Variants in BTAF1 observed in about 807,000 individuals in gnomAD.
BTAF1 encodes B-TFIID TATA-box binding protein associated factor 1, also known as TATA-binding protein-associated factor 172.
BTAF1 carries 38 observed loss-of-function variants against 227.1 expected under a neutral mutation model. The observed-to-expected ratio is 0.17, with a 90% CI of 0.13 to 0.22. BTAF1 has a LOEUF of 0.22. BTAF1 is among the 10% of genes least tolerant of loss of function. The probability of loss-of-function intolerance (pLI) is 1.00; values close to 1 mark genes in which losing one functional copy is unlikely to be tolerated. For synonymous variants in BTAF1, 742 were observed against 751.9 expected, an observed-to-expected ratio of 0.99 and a Z score of 0.21; for missense variants, 1,598 against 2,204.0, an observed-to-expected ratio of 0.73 and a Z score of 5.51.
chr10:91,942,620 T>C (rs1845091826), intron 4 of BTAF1, 52 bp downstream of exon 4: 2 of 1,580,240 alleles, frequency 1.3e-6, no homozygotes, highest in Non-Finnish European at 1.7e-6. Flanking sequence ...TCAGACTAAT[T>C]TGTCACTGTG....
At chr10:91,994,692 T>C (rs1326246322) in intron 23 of BTAF1, 48 bp downstream of exon 23, 1 of 1,498,748 alleles carries the variant, frequency 6.7e-7, no homozygotes, top group Non-Finnish European at 9.3e-7. Context: ...AAACAAGTGG[T>C]CTTATTAAAA....
chr10:91,968,808 CAT>C (rs370896205), intron 14 of BTAF1, among the ~76,000 whole-genome samples: 3 of 152,236 alleles, frequency 2.0e-5, no homozygotes, highest in Admixed American at 6.5e-5. Flanking sequence ...AGCATCTTTT[CAT>C]ATGTTTATTC....
intron 17 of BTAF1, 115 bp downstream of exon 17, chr10:91,982,340 C>T: frequency 1.4e-6 from 2 of 1,415,098 alleles, no homozygotes; most frequent in Non-Finnish European, 1.9e-6. Flanking sequence ...TCCTTCATCA[C>T]ACTAATTATA....
intron 14 of BTAF1, 95 bp from the exon 15 acceptor site, chr10:91,980,359 A>T: frequency 2.2e-6 from 2 of 908,130 alleles, no homozygotes; most frequent in Non-Finnish European, 3.5e-6. Context: ...CAGTCTTTTC[A>T]TGGTAGTACT....
intron 14 of BTAF1, among the ~76,000 whole-genome samples, chr10:91,977,448 C>G (rs559211857): frequency 1.3e-5 from 2 of 152,108 alleles, no homozygotes; most frequent in Non-Finnish European, 2.9e-5. Flanking sequence ...GAATAATACT[C>G]CATTGTCTAG....
chr10:92,016,931 A>G (rs185000242), intron 33 of BTAF1, among the ~76,000 whole-genome samples: 1 of 152,372 alleles, frequency 6.6e-6, no homozygotes, highest in Admixed American at 6.5e-5. Context: ...AAGCACTTTA[A>G]TATTAAAATT....
At position 91,946,845 on chromosome 10, in the gene BTAF1, C is replaced by CT. The variant is rs199630530; in HGVS notation, c.400+4289dup. 3.6e-3 allele frequency among the ~76,000 whole-genome samples: 523 copies of CT among 144,106 alleles called. 1 individual carries two copies. Among genetic ancestry groups the CT allele is most frequent in the African/African-American group, 8.4e-3 (332 of 39,562 alleles). 94.5% of individuals were successfully genotyped at this position (144,106 alleles called of 152,430 possible). A position where few individuals can be genotyped will look rare whatever the true frequency, so the allele number is the denominator to read the frequency against. On this transcript the variant is annotated intron_variant, in intron 4 of 37. Coordinates refer to ENST00000265990, the MANE Select transcript of BTAF1 (RefSeq NM_003972.3). ...CATTTCCTTTTTTTCTTTTTCTTTT[C>CT]TTTTTTTTTTTTGAGACAGAGTCTC...
Position 91,962,633 on chromosome 10 carries a change from A to G in BTAF1, c.1359A>G (p.Ser453=), listed in dbSNP as rs1301820958. 1.2e-6 allele frequency: 2 copies of G among 1,611,074 alleles called. No individual in the cohort carries two copies. The highest frequency in any genetic ancestry group is 2.7e-5 in the African/African-American group (2 of 74,946). ...ATGTCAGAGCTGTTGCTGCAGCATCATTAGTGCCTGTAGTAGAAAGCCTTG... is the reference window on the plus strand; with the variant it reads ...ATGTCAGAGCTGTTGCTGCAGCATCGTTAGTGCCTGTAGTAGAAAGCCTTG... ...DDDVRAVAAA[S]LVPVVESLVY... Residue 453 remains serine, a synonymous_variant, in exon 12 of 38, where the codon TCA becomes TCG. Transcript: ENST00000265990.
chr10:91,939,911 A>G (rs1189275494), intron 2 of BTAF1, 41 bp from the exon 3 acceptor site: 4 of 1,401,470 alleles, frequency 2.9e-6, no homozygotes, highest in Non-Finnish European at 1.0e-6. Context: ...TTGCGCAAAC[A>G]ATATTTTTGT....
intron 2 of BTAF1, among the ~76,000 whole-genome samples, chr10:91,937,012 C>T (rs1042938103): frequency 6.3e-5 from 9 of 143,128 alleles, no homozygotes; most frequent in East Asian, 4.0e-4. Flanking sequence ...GTTTTGTTTT[C>T]TTTTTTTTTT....
chr10:91,963,148 C>G (rs990181248), intron 12 of BTAF1, among the ~76,000 whole-genome samples: 18 of 152,090 alleles, frequency 1.2e-4, no homozygotes, highest in African/African-American at 4.3e-4. Context: ...CACTCTGTCA[C>G]CCAGGCCAGA....
At chr10:91,953,967 A>G in intron 6 of BTAF1, 94 bp downstream of exon 6, 1 of 1,503,062 alleles carries the variant, frequency 6.7e-7, no homozygotes, top group East Asian at 2.3e-5. Context: ...CTGCTGACAT[A>G]TTTAGCTGGG....
Position 91,962,855 on chromosome 10 carries a change from A to G in BTAF1, c.1404+177A>G, listed in dbSNP as rs1430917619. Among the ~76,000 whole-genome samples, 4 of 151,866 alleles carry G rather than the reference A, an allele frequency of 2.6e-5. No homozygotes were observed. In the East Asian group the frequency reaches 5.8e-4, roughly 22 times the overall value. ...ATTGTACTTTGGAAGAGTGAATTGGATCCATTTGTCTACTTTCCCTTCATG... is the reference window on the plus strand; with the variant it reads ...ATTGTACTTTGGAAGAGTGAATTGGGTCCATTTGTCTACTTTCCCTTCATG... On this transcript the variant is annotated intron_variant, in intron 12 of 37. Transcript: ENST00000265990.
chr10:92,024,576 G>A (rs573461251), intron 34 of BTAF1, among the ~76,000 whole-genome samples, 180 bp from the exon 35 acceptor site: 1 of 152,186 alleles, frequency 6.6e-6, no homozygotes, highest in South Asian at 2.1e-4. Context: ...CTAAGCCTGA[G>A]CACCTCAAAA....
At chr10:91,931,514 T>C (rs1844275119) in intron 1 of BTAF1, among the ~76,000 whole-genome samples, 1 of 152,180 alleles carries the variant, frequency 6.6e-6, no homozygotes, top group African/African-American at 2.4e-5. Context: ...CCAAAAGTAG[T>C]ATGGGAGTAA....
intron 37 of BTAF1, among the ~76,000 whole-genome samples, chr10:92,027,635 ATCTC>A (rs1851603773): frequency 6.6e-6 from 1 of 152,178 alleles, no homozygotes; most frequent in East Asian, 1.9e-4. Flanking sequence ...TAGGCAGATT[ATCTC>A]TCTGAGCTTC....
chr10:91,959,351 C>A, intron 9 of BTAF1, 197 bp downstream of exon 9: 2 of 1,196,176 alleles, frequency 1.7e-6, no homozygotes, highest in East Asian at 2.9e-5. Flanking sequence ...GGTCAGTGAG[C>A]AACATAATTG....
chr10:92,016,746 G>A (rs552056587), intron 33 of BTAF1, among the ~76,000 whole-genome samples: 6 of 152,224 alleles, frequency 3.9e-5, no homozygotes, highest in African/African-American at 1.4e-4. Context: ...AAAGTGCTAG[G>A]ATTCAGGCAT....
rs1851743706 is a variant in BTAF1, at chr10:92,029,375, T to C, written c.*442T>C. 6.6e-6 allele frequency: 1 copy of C among 152,590 alleles called. No homozygotes were observed. Among genetic ancestry groups the C allele is most frequent in the Non-Finnish European group, 1.5e-5 (1 of 68,026 alleles). The allele number at this position is 152,590 out of a possible 1,614,324, so 9.5% of individuals were successfully genotyped here. On this transcript the variant is annotated 3_prime_UTR_variant, in exon 38 of 38. Coordinates refer to ENST00000265990, the MANE Select transcript of BTAF1 (RefSeq NM_003972.3). ...CTATAAAAGCCTTAATGAGCCATAA[T>C]TTTAAGAATATAAGAATAATGACTA...
Sources: allele counts gnomAD v4.1 joint callset (sites outside exome capture counted in the v4.1 genomes callset), GRCh38; gene constraint gnomAD v4.1.1; transcripts MANE v1.5; gene names NCBI Gene and HGNC (gene_info 2026-07-23, HGNC 2026-07-21).